RAD50: variants seen among roughly 807,000 people sequenced by gnomAD.
The protein encoded by RAD50 is DNA repair protein RAD50.
RAD50 carries 132 observed loss-of-function variants against 168.8 expected under a neutral mutation model. The observed-to-expected ratio is 0.78, with a 90% confidence interval of 0.68 to 0.90. The LOEUF (loss-of-function observed/expected upper bound fraction) is 0.90. Among genes scored for constraint, RAD50 ranks in the 40% least tolerant of loss-of-function variants. RAD50 has a pLI of 0.00. For synonymous variants in RAD50, 525 were observed against 497.4 expected (o/e 1.06, Z -0.74); for missense variants, 1,347 against 1,534.4 (o/e 0.88, Z 2.04).
At position 132,618,114 on chromosome 5, in the gene RAD50, A is replaced by G. The variant is rs774590729; in HGVS notation, c.3209A>G (p.Asn1070Ser). 2 of 1,613,788 alleles carry G rather than the reference A, an allele frequency of 1.2e-6. No individual in the cohort carries two copies. The highest frequency in any genetic ancestry group is 3.3e-5 in the Admixed American group (2 of 60,028). Residue 1070 changes from asparagine to serine, a missense_variant, in exon 21 of 25, where the codon AAT (asparagine) becomes AGT (serine). Physicochemically the swap from Asn to Ser is conservative, Grantham distance 46 (BLOSUM62 1). Transcript: ENST00000378823. ...LEENIDNIKR[N>S]HNLALGRQKG... ...GAGAACATAGACAATATAAAAAGAA[A>G]TCATAATTTGGCATTAGGGCGACAG... is the stretch of plus-strand genomic sequence containing the variant.
chr5:132,590,194 G>A (rs1308407634), intron 9 of RAD50, among the ~76,000 whole-genome samples: 2 of 152,224 alleles, frequency 1.3e-5, no homozygotes, highest in Admixed American at 1.3e-4. Flanking sequence ...ACCAGGCCGG[G>A]TGCGGTGTCT....
intron 13 of RAD50, among the ~76,000 whole-genome samples, chr5:132,601,153 C>T (rs753634779): frequency 2.0e-5 from 3 of 152,106 alleles, no homozygotes; most frequent in Non-Finnish European, 4.4e-5. Flanking sequence ...CCCTTCACCA[C>T]GCCCAACTGA....
chr5:132,575,800 A>G lies in RAD50; in HGVS notation c.237A>G (p.Arg79=). 6.3e-7 allele frequency: 1 copy of G among 1,599,396 alleles called. No individual in the cohort carries two copies. The highest frequency in any genetic ancestry group is 8.6e-7 in the Non-Finnish European group (1 of 1,166,588). The change falls in exon 3 of 25, where the codon AGA becomes AGG. Residue 79 remains arginine, a synonymous_variant. Coordinates refer to ENST00000378823, the MANE Select transcript of RAD50 (RefSeq NM_005732.4). ...AGGTTGCTCAAGAAACAGATGTGAG[A>G]GCCCAGATTCGTCTGCAATTTCGTG... ...DPKVAQETDV[R]AQIRLQFRDV...
rs899042600 is a variant in RAD50, at chr5:132,589,279, G to A, written c.1246-352G>A. Among the ~76,000 whole-genome samples the A allele has an allele frequency of 7.9e-5, 12 of 152,016 alleles. 1 individual carries two copies. The highest frequency in any genetic ancestry group is 7.9e-4 in the Admixed American group (12 of 15,278). On this transcript the variant is annotated intron_variant, in intron 8 of 24. Transcript: ENST00000378823. ...ATTATAATACTGTATTTTACTGTAT[G>A]TTTTCTGTGTTTAGATATGTTTAGA...
chr5:132,580,470 G>A (rs1317512751), intron 5 of RAD50, among the ~76,000 whole-genome samples: 2 of 152,134 alleles, frequency 1.3e-5, no homozygotes, highest in African/African-American at 2.4e-5. Context: ...CACTAAATTA[G>A]TAGTATAGAT....
rs111294990 is a variant in RAD50 at position 132,609,697 on chromosome 5, A to G, written c.3036+301A>G. Among the ~76,000 whole-genome samples the G allele has an allele frequency of 1.7e-3, 262 of 152,188 alleles. 2 individuals carry two copies. The highest frequency in any genetic ancestry group is 6.2e-3 in the African/African-American group (257 of 41,528). ...CTCGGGAAGCTGAGGCATGAGAATC[A>G]CCTGAACCTGGGAGGCAGAGGTTGC... On this transcript the variant is annotated intron_variant, in intron 19 of 24. Coordinates refer to ENST00000378823, the MANE Select transcript of RAD50 (RefSeq NM_005732.4).
At chr5:132,587,841 G>C (rs1750621753) in intron 6 of RAD50, 83 bp from the exon 7 acceptor site, 1 of 1,546,172 alleles carries the variant, frequency 6.5e-7, no homozygotes, top group Non-Finnish European at 8.9e-7. Context: ...TATTGAATAA[G>C]GTTTGGTTTA....
chr5:132,578,893 T>C (rs1192732121), intron 3 of RAD50, among the ~76,000 whole-genome samples: 1 of 152,188 alleles, frequency 6.6e-6, no homozygotes, highest in African/African-American at 2.4e-5. Flanking sequence ...ATATTGCCTC[T>C]GCTCACCAGA....
intron 19 of RAD50, among the ~76,000 whole-genome samples, chr5:132,609,649 G>A (rs556597225): frequency 6.6e-6 from 1 of 152,084 alleles, no homozygotes; most frequent in South Asian, 2.1e-4. Flanking sequence ...GGCCGTGGCG[G>A]CGCGCACCTG....
chr5:132,619,803 T>TA (rs1751243539), intron 21 of RAD50, among the ~76,000 whole-genome samples: 2 of 143,564 alleles, frequency 1.4e-5, no homozygotes, highest in African/African-American at 2.7e-5. Context: ...TCTCTCTCTC[T>TA]CTCTCTCTAC....
At position 132,573,657 on chromosome 5, in the gene RAD50, T is replaced by C. The variant is rs114861398; in HGVS notation, c.214-2120T>C. On this transcript the variant is annotated intron_variant, in intron 2 of 24. Coordinates refer to ENST00000378823, the MANE Select transcript of RAD50 (RefSeq NM_005732.4). Reference sequence around the variant, plus strand: ...TAATTCAGAAGTCCACAGTCCAGAGTCTTACCCAAGATAAGGCAAGTCCCT... The same window carrying C: ...TAATTCAGAAGTCCACAGTCCAGAGCCTTACCCAAGATAAGGCAAGTCCCT... 6.4e-3 allele frequency among the ~76,000 whole-genome samples: 978 copies of C among 152,194 alleles called. 5 individuals are homozygous for C. Among genetic ancestry groups the C allele is most frequent in the African/African-American group, 0.023 (935 of 41,516 alleles).
intron 13 of RAD50, among the ~76,000 whole-genome samples, chr5:132,598,955 C>T (rs1208289958): frequency 6.6e-6 from 1 of 152,140 alleles, no homozygotes; most frequent in Non-Finnish European, 1.5e-5. Flanking sequence ...TTGTGGCTGA[C>T]TTGAATCTGC....
chr5:132,620,744 C>G (rs1751271249), intron 21 of RAD50, among the ~76,000 whole-genome samples: 1 of 152,164 alleles, frequency 6.6e-6, no homozygotes, highest in South Asian at 2.1e-4. Context: ...CAGAACTTAA[C>G]TACTAATAGC....
In RAD50 at chr5:132,644,108, G is replaced by A; in HGVS notation, c.*1744G>A. ...GTTAATGAAAGTGCTAGTTGTTGCA[G>A]CAAAGAATAACAAAGGCAATACACG... On this transcript the variant is annotated 3_prime_UTR_variant, in exon 25 of 25. Coordinates refer to ENST00000378823, the MANE Select transcript of RAD50 (RefSeq NM_005732.4). 1 of 192,654 alleles carries A rather than the reference G, an allele frequency of 5.2e-6. No individual in the cohort carries two copies. Among genetic ancestry groups the A allele is most frequent in the Non-Finnish European group, 1.1e-5 (1 of 92,148 alleles). The allele number at this position is 192,654 out of a possible 1,614,324, so 11.9% of individuals were successfully genotyped here. A position where few individuals can be genotyped will look rare whatever the true frequency, so the allele number is the denominator to read the frequency against.
rs751961328 is a variant in RAD50, at chr5:132,643,134, G to C, written c.*770G>C. ...GAAGAAGCCTGTAACACTCCTCTGC[G>C]TCTATCCTGTGTAGCATACTGGCTT... On this transcript the variant is annotated 3_prime_UTR_variant, in exon 25 of 25. Coordinates refer to ENST00000378823, the MANE Select transcript of RAD50 (RefSeq NM_005732.4). 11 of 518,864 alleles carry C rather than the reference G, an allele frequency of 2.1e-5. No individual in the cohort carries two copies. Among genetic ancestry groups the C allele is most frequent in the South Asian group, 1.7e-4 (11 of 63,934 alleles). The allele number at this position is 518,864 out of a possible 1,614,324, so 32.1% of individuals were successfully genotyped here.
chr5:132,597,523 G>C (rs1750812573), intron 13 of RAD50, among the ~76,000 whole-genome samples: 1 of 152,146 alleles, frequency 6.6e-6, no homozygotes, highest in Non-Finnish European at 1.5e-5. Context: ...TCTCTTGTCT[G>C]AGGGAAGCTA....
intron 23 of RAD50, among the ~76,000 whole-genome samples, chr5:132,639,975 A>T (rs924241288): frequency 1.3e-5 from 2 of 152,202 alleles, no homozygotes; most frequent in Non-Finnish European, 2.9e-5. Flanking sequence ...AGAGTAGTTT[A>T]TACTTCCTAG....
In RAD50 at chr5:132,588,153, G is replaced by A. The variant is rs973805668; in HGVS notation, c.1051+64G>A. Reference sequence around the variant, plus strand: ...GATGTTATACATTTTCTGTATGAATGAAGAATCTCCAAGGACTTATGCTGA... The same window carrying A: ...GATGTTATACATTTTCTGTATGAATAAAGAATCTCCAAGGACTTATGCTGA... On this transcript the variant is annotated intron_variant, in intron 7 of 24. Coordinates refer to ENST00000378823, the MANE Select transcript of RAD50 (RefSeq NM_005732.4). 55 of 1,529,908 alleles carry A rather than the reference G, an allele frequency of 3.6e-5. No homozygotes were observed. In the Admixed American group the frequency reaches 9.1e-4, roughly 25 times the overall value. 94.8% of individuals were successfully genotyped at this position (1,529,908 alleles called of 1,614,324 possible).
intron 21 of RAD50, among the ~76,000 whole-genome samples, chr5:132,623,198 G>T (rs1751313510): frequency 6.6e-6 from 1 of 152,148 alleles, no homozygotes; most frequent in Non-Finnish European, 1.5e-5. Context: ...CAAGTTCATG[G>T]CTGGGCACGG....
Sources: gnomAD v4.1 joint callset for allele counts (sites outside exome capture counted in the v4.1 genomes callset) on GRCh38, gnomAD v4.1.1 for gene constraint, MANE v1.5 for transcripts, NCBI Gene and HGNC (gene_info 2026-07-23, HGNC 2026-07-21) for gene names.